Variants in GPRC5B observed in about 807,000 individuals in gnomAD.
GPRC5B encodes G protein-coupled receptor family C group 5 member B.
GPRC5B carries 16 observed loss-of-function variants against 30.1 expected under a neutral mutation model. The observed-to-expected ratio is 0.53, with a 90% CI of 0.36 to 0.81. The LOEUF is 0.81. Ranked by LOEUF, GPRC5B falls within the 30% of genes least tolerant of loss-of-function variation. The pLI is 0.01. For synonymous variants in GPRC5B, 241 were observed against 239.5 expected (o/e 1.01, Z -0.06); for missense variants, 428 against 544.7 (o/e 0.79, Z 2.13).
intron 1 of GPRC5B, among the ~76,000 whole-genome samples, chr16:19,875,409 T>C (rs1229892486): frequency 6.6e-6 from 1 of 152,246 alleles, no homozygotes; most frequent in Non-Finnish European, 1.5e-5. Flanking sequence ...TGGGCGGTTA[T>C]TTACTTAACT....
upstream of GPRC5B, chr16:19,885,248 T>C (rs1321678306): frequency 3.1e-6 from 4 of 1,288,172 alleles, no homozygotes; most frequent in Admixed American, 9.2e-5. This position sits in a 1 kb window ranked among gnomAD's most constrained non-coding sequence, Gnocchi z 5.3. Context: ...GAAGCCTTCC[T>C]GCCCCCAGGC....
chr16:19,885,205 A>G (rs1268168588), upstream of GPRC5B: 2 of 1,288,236 alleles, frequency 1.6e-6, no homozygotes, highest in Non-Finnish European at 2.0e-6. This position sits in a 1 kb window ranked among gnomAD's most constrained non-coding sequence, Gnocchi z 5.3. Flanking sequence ...ACACTTACCG[A>G]GGGAGGTATC....
chr16:19,885,134 C>T (rs2056840879), upstream of GPRC5B: 1 of 1,113,016 alleles, frequency 9.0e-7, no homozygotes, highest in African/African-American at 1.6e-5. This position sits in a 1 kb window ranked among gnomAD's most constrained non-coding sequence, Gnocchi z 5.3. Flanking sequence ...CGTAAGCAGT[C>T]CAGACGAGCC....
chr16:19,879,408 T>G (rs964066913), intron 1 of GPRC5B, among the ~76,000 whole-genome samples: 2 of 151,298 alleles, frequency 1.3e-5, no homozygotes, highest in East Asian at 1.9e-4. Context: ...TGCATCTCTC[T>G]CTCTCTCACA....
At chr16:19,862,084 T>G in intron 2 of GPRC5B, 111 bp from the exon 3 acceptor site, 1 of 868,918 alleles carries the variant, frequency 1.2e-6, no homozygotes, top group Non-Finnish European at 1.8e-6. Context: ...CCCAACCCAG[T>G]GGCTCCTCCC....
chr16:19,885,254 C>G, upstream of GPRC5B: 1 of 1,287,906 alleles, frequency 7.8e-7, no homozygotes, highest in Non-Finnish European at 1.0e-6. This position sits in a 1 kb window ranked among gnomAD's most constrained non-coding sequence, Gnocchi z 5.3. Context: ...TTCCTGCCCC[C>G]AGGCCACGCT....
intron 2 of GPRC5B, among the ~76,000 whole-genome samples, chr16:19,863,971 G>A (rs531499886): frequency 8.6e-5 from 13 of 151,962 alleles, no homozygotes; most frequent in African/African-American, 1.7e-4. Context: ...AAGATTGTCC[G>A]TGGTGCCAAA....
intron 1 of GPRC5B, among the ~76,000 whole-genome samples, chr16:19,880,048 C>T (rs1221269127): frequency 1.3e-5 from 2 of 151,682 alleles, no homozygotes; most frequent in African/African-American, 4.8e-5. Context: ...GTGGGAGGAT[C>T]GCTTGAGCCC....
At chr16:19,885,311 C>T, upstream of GPRC5B, 1 of 1,251,078 alleles carries the variant, frequency 8.0e-7, no homozygotes, top group Non-Finnish European at 1.0e-6. This position sits in a 1 kb window ranked among gnomAD's most constrained non-coding sequence, Gnocchi z 5.3. Flanking sequence ...ACACCAGCAC[C>T]AGGTCCAGGA....
chr16:19,857,117 CA>C lies in GPRC5B; in HGVS notation c.*3382del, dbSNP rs1384458499. On this transcript the variant is annotated 3_prime_UTR_variant, in exon 4 of 4. Transcript: ENST00000300571. The stretch of plus-strand genomic sequence containing the variant: ...CAAAGGATTTTTGTTGTCTAAGTCC[CA>C]AAGTATTATATAGAAAGTTCCTGCT... 1 of 185,456 alleles carries C rather than the reference CA, an allele frequency of 5.4e-6. No homozygotes were observed. Among genetic ancestry groups the C allele is most frequent in the African/African-American group, 2.4e-5 (1 of 41,610 alleles). The allele number at this position is 185,456 out of a possible 1,614,324, so 11.5% of individuals were successfully genotyped here.
At chr16:19,880,444 A>AAATAAAAT (rs921164357) in intron 1 of GPRC5B, among the ~76,000 whole-genome samples, 2 of 151,458 alleles carry the variant, frequency 1.3e-5, no homozygotes, top group Non-Finnish European at 2.9e-5. Context: ...AAATAAAATA[A>AAATAAAAT]AATAAAATAA....
Position 19,872,622 on chromosome 16 carries a change from A to G in GPRC5B, c.224T>C (p.Leu75Pro), listed in dbSNP as rs1388028708. Residue 75 changes from leucine (L) to proline (P), a missense_variant, in exon 2 of 4, where the codon CTC (leucine) becomes CCC (proline). This residue lies in a region of GPRC5B where 196 missense variants were observed against 272.6 expected (regional missense o/e 0.72). Coordinates refer to ENST00000300571, the MANE Select transcript of GPRC5B (RefSeq NM_016235.3). The surrounding 1 kb of genome is among the most constrained non-coding windows in gnomAD (Gnocchi z 5.0). Reference sequence around the variant, plus strand: ...GAAGGGCAGCCGCACCAGGAGGATGAGCATCAGGAGCAGTGTGATCAGGGC... The same window carrying G: ...GAAGGGCAGCCGCACCAGGAGGATGGGCATCAGGAGCAGTGTGATCAGGGC... ...AGALITLLLMLILLVRLPFIK... is the reference protein window; with the variant it reads ...AGALITLLLMPILLVRLPFIK... 1 of 1,614,040 alleles carries G rather than the reference A, an allele frequency of 6.2e-7. No homozygotes were observed. Among genetic ancestry groups the G allele is most frequent in the East Asian group, 2.2e-5 (1 of 44,860 alleles).
chr16:19,865,354 A>T (rs1228282498), intron 2 of GPRC5B, among the ~76,000 whole-genome samples: 3 of 152,144 alleles, frequency 2.0e-5, no homozygotes, highest in Non-Finnish European at 2.9e-5. Context: ...CCACTGGTCT[A>T]CCTTTCTGGG....
chr16:19,884,188 C>G (rs1035445348), intron 1 of GPRC5B, among the ~76,000 whole-genome samples: 7 of 148,948 alleles, frequency 4.7e-5, no homozygotes, highest in Non-Finnish European at 8.9e-5. Flanking sequence ...CGTGTCCCCC[C>G]CTCCCCTTGC....
chr16:19,861,852 C>T lies in GPRC5B; in HGVS notation c.1152G>A (p.Val384=). 6.2e-7 allele frequency: 1 copy of T among 1,613,434 alleles called. No homozygotes were observed. Among genetic ancestry groups the T allele is most frequent in the Non-Finnish European group, 8.5e-7 (1 of 1,179,786 alleles). Reference sequence around the variant, plus strand: ...TGATACTTACGGTCCCACCGTTGAGCACGACGGCCATCTCAGTTGGCTGAT... The same window carrying T: ...TGATACTTACGGTCCCACCGTTGAGTACGACGGCCATCTCAGTTGGCTGAT... The part of the protein sequence containing the change: ...NVYQPTEMAV[V]LNGGTIPTAP... Residue 384 remains valine (V), a synonymous_variant, in exon 3 of 4, where the codon GTG becomes GTA. Coordinates refer to ENST00000300571, the MANE Select transcript of GPRC5B (RefSeq NM_016235.3).
Position 19,860,233 on chromosome 16 carries a change from A to G in GPRC5B, c.*267T>C. Reference sequence around the variant, plus strand: ...TCCAGTGAGCCTAATACTATTTGCAATTAGCTTTGCTTTAGTTTGCGGGGA... The same window carrying G: ...TCCAGTGAGCCTAATACTATTTGCAGTTAGCTTTGCTTTAGTTTGCGGGGA... On this transcript the variant is annotated 3_prime_UTR_variant, in exon 4 of 4. Coordinates refer to ENST00000300571, the MANE Select transcript of GPRC5B (RefSeq NM_016235.3). The G allele has an allele frequency of 2.3e-6, 1 of 437,176 alleles. No individual in the cohort carries two copies. Among genetic ancestry groups the G allele is most frequent in the Middle Eastern group, 6.5e-4 (1 of 1,530 alleles). 27.1% of individuals were successfully genotyped at this position (437,176 alleles called of 1,614,324 possible).
chr16:19,880,063 G>C (rs554350847), intron 1 of GPRC5B, among the ~76,000 whole-genome samples: 3 of 151,844 alleles, frequency 2.0e-5, no homozygotes, highest in Non-Finnish European at 4.4e-5. Context: ...GAGCCCAAGA[G>C]TTTGAGCTGC....
At chr16:19,868,188 A>T (rs922088209) in intron 2 of GPRC5B, among the ~76,000 whole-genome samples, 2 of 152,154 alleles carry the variant, frequency 1.3e-5, no homozygotes. Context: ...CAGCCTGACC[A>T]ACATGGAGAA....
chr16:19,865,756 G>A (rs1014300843), intron 2 of GPRC5B, among the ~76,000 whole-genome samples: 3 of 152,160 alleles, frequency 2.0e-5, no homozygotes, highest in African/African-American at 7.2e-5. Flanking sequence ...TTAAAAAAAG[G>A]AGACTGTAGC....
Sources: allele counts gnomAD v4.1 joint callset (sites outside exome capture counted in the v4.1 genomes callset), GRCh38; gene constraint gnomAD v4.1.1; regional missense constraint gnomAD v4.1.1; non-coding constraint Gnocchi (gnomAD v3.1); transcripts MANE v1.5; gene names NCBI Gene and HGNC (gene_info 2026-07-23, HGNC 2026-07-21).